Variants in RIMS3 observed in about 807,000 individuals in gnomAD.
RIMS3 encodes the protein regulating synaptic membrane exocytosis protein 3.
A neutral mutation model predicts 29.2 loss-of-function variants in RIMS3; 15 were observed. The observed-to-expected ratio is 0.51, with a 90% CI of 0.34 to 0.79. The LOEUF is 0.79. RIMS3 is among the 30% of genes least tolerant of loss of function. The pLI is 0.01. For synonymous variants in RIMS3, 161 were observed against 170.1 expected, an observed-to-expected ratio of 0.95 and a Z score of 0.41; for missense variants, 342 against 421.4, an observed-to-expected ratio of 0.81 and a Z score of 1.65.
intron 3 of RIMS3, among the ~76,000 whole-genome samples, chr1:40,638,743 A>C (rs1458595828): frequency 1.3e-5 from 2 of 152,188 alleles, no homozygotes; most frequent in East Asian, 3.9e-4. Flanking sequence ...TCCTGGACCC[A>C]AAGCTCTGAC....
Position 40,663,231 on chromosome 1 carries a change from C to T in RIMS3, c.-207+2163G>A, listed in dbSNP as rs148615811. On this transcript the variant is annotated intron_variant, in intron 1 of 7. Coordinates refer to ENST00000372684, the MANE Select transcript of RIMS3 (RefSeq NM_014747.3). ...CCCTGCACCCCAAGTCAGCAGATTG[C>T]TAACAGGAGAGACAGTGCCACAGTC... 5.9e-4 allele frequency among the ~76,000 whole-genome samples: 90 copies of T among 152,288 alleles called. 1 individual carries two copies. The highest frequency in any genetic ancestry group is 2.1e-3 in the African/African-American group (86 of 41,558).
At chr1:40,648,298 C>T (rs952678947) in intron 1 of RIMS3, among the ~76,000 whole-genome samples, 7 of 152,200 alleles carry the variant, frequency 4.6e-5, no homozygotes, top group Non-Finnish European at 1.0e-4. Context: ...CCCTCCATTC[C>T]CTCCTCTACA....
chr1:40,650,533 T>C (rs775254346), intron 1 of RIMS3, among the ~76,000 whole-genome samples: 8 of 152,130 alleles, frequency 5.3e-5, no homozygotes, highest in Non-Finnish European at 1.2e-4. Flanking sequence ...CCCTACTCTG[T>C]ATTCCAGCCA....
In RIMS3 at chr1:40,621,397, G is replaced by C. The variant is rs1337357069; in HGVS notation, c.*5120C>G. On this transcript the variant is annotated 3_prime_UTR_variant, in exon 8 of 8. Coordinates refer to ENST00000372684, the MANE Select transcript of RIMS3 (RefSeq NM_014747.3). ...AGAGGGAGGACAAACCACGAAGAGA[G>C]GAAAGCAGAGTCTGTTAGGATTCCC... 1 of 152,218 alleles carries C rather than the reference G, an allele frequency of 6.6e-6. No individual in the cohort carries two copies. The highest frequency in any genetic ancestry group is 1.9e-4 in the East Asian group (1 of 5,200). 9.4% of individuals were successfully genotyped at this position (152,218 alleles called of 1,614,324 possible).
intron 1 of RIMS3, among the ~76,000 whole-genome samples, chr1:40,649,691 G>A (rs1646618534): frequency 6.6e-6 from 1 of 152,220 alleles, no homozygotes; most frequent in African/African-American, 2.4e-5. Context: ...TCATCGGTGA[G>A]GTTTGTGGTG....
At chr1:40,666,165 T>C (rs1156468493), upstream of RIMS3, among the ~76,000 whole-genome samples, 1 of 152,176 alleles carries the variant, frequency 6.6e-6, no homozygotes, top group Non-Finnish European at 1.5e-5. Context: ...AGAAAGACTT[T>C]ATAATGTCCC....
chr1:40,685,914 CA>C, the RIMS3 span, among the ~76,000 whole-genome samples: 1 of 151,930 alleles, frequency 6.6e-6, no homozygotes, highest in Non-Finnish European at 1.5e-5. Context: ...GAGGCTGAGG[CA>C]GGGGGGCAGA....
chr1:40,637,383 C>T (rs1246556764), intron 3 of RIMS3, among the ~76,000 whole-genome samples: 1 of 152,272 alleles, frequency 6.6e-6, no homozygotes, highest in East Asian at 1.9e-4. Flanking sequence ...AGGCTGAGAA[C>T]AGGGTGCAGG....
upstream of RIMS3, among the ~76,000 whole-genome samples, chr1:40,667,808 C>A (rs188232381): frequency 0.019 from 2,903 of 152,246 alleles, 98 homozygotes; most frequent in African/African-American, 0.066. Context: ...GGATCCAGCC[C>A]CACAAGGGAA....
chr1:40,623,148 A>G lies in RIMS3; in HGVS notation c.*3369T>C. On this transcript the variant is annotated 3_prime_UTR_variant, in exon 8 of 8. Coordinates refer to ENST00000372684, the MANE Select transcript of RIMS3 (RefSeq NM_014747.3). The stretch of plus-strand genomic sequence containing the variant: ...TCTTGGAGCTCCTGGGTTCTGCCTC[A>G]GCCCCCATGAAATGCTGGCATTGCC... The G allele has an allele frequency of 2.9e-6, 1 of 345,990 alleles. No homozygotes were observed. Among genetic ancestry groups the G allele is most frequent in the Non-Finnish European group, 5.2e-6 (1 of 193,116 alleles). 21.4% of individuals were successfully genotyped at this position (345,990 alleles called of 1,614,324 possible).
chr1:40,639,410 G>A (rs1421237164), intron 3 of RIMS3, among the ~76,000 whole-genome samples: 1 of 152,226 alleles, frequency 6.6e-6, no homozygotes, highest in African/African-American at 2.4e-5. Flanking sequence ...AGATGGAGAG[G>A]AACGTGCTAC....
In RIMS3 at chr1:40,626,567, G is replaced by A; in HGVS notation, c.877C>T (p.Arg293Cys). ...ADSTLGSLTRRLSQSSLESAT... is the reference protein window; with the variant it reads ...ADSTLGSLTRCLSQSSLESAT... ...CTCTCCAGGGAAGACTGGGACAGGC[G>A]CCTGGTGAGGGATCCGAGTGTGGAG... is the stretch of plus-strand genomic sequence containing the variant. Residue 293 changes from arginine to cysteine, a missense_variant, in exon 8 of 8, where the codon CGC becomes TGC. Physicochemically the swap from Arg to Cys is radical, Grantham distance 180. Transcript: ENST00000372684. 6.2e-7 allele frequency: 1 copy of A among 1,613,646 alleles called. No individual in the cohort carries two copies. The highest frequency in any genetic ancestry group is 8.5e-7 in the Non-Finnish European group (1 of 1,179,834).
chr1:40,655,884 G>A (rs1271737505), intron 1 of RIMS3, among the ~76,000 whole-genome samples: 3 of 152,152 alleles, frequency 2.0e-5, no homozygotes, highest in Non-Finnish European at 4.4e-5. Context: ...ATGGTGGCAC[G>A]CACCTGTAAT....
chr1:40,676,575 C>G, the RIMS3 span, among the ~76,000 whole-genome samples: 2 of 152,130 alleles, frequency 1.3e-5, no homozygotes, highest in African/African-American at 4.8e-5. Context: ...CTACGTACCC[C>G]CTTAATACTT....
intron 1 of RIMS3, among the ~76,000 whole-genome samples, chr1:40,661,376 C>T (rs1642350200): frequency 6.6e-6 from 1 of 152,186 alleles, no homozygotes; most frequent in South Asian, 2.1e-4. Flanking sequence ...AGATCCATGT[C>T]TCTCCCTGCC....
Position 40,626,701 on chromosome 1 carries a change from A to C in RIMS3, c.743T>G (p.Met248Arg). 1 of 1,614,166 alleles carries C rather than the reference A, an allele frequency of 6.2e-7. No homozygotes were observed. Among genetic ancestry groups the C allele is most frequent in the Non-Finnish European group, 8.5e-7 (1 of 1,180,044 alleles). Residue 248 changes from methionine (M) to arginine (R), a missense_variant, in exon 8 of 8, where the codon ATG (methionine) becomes AGG (arginine). Physicochemically the swap from Met to Arg is moderately conservative, Grantham distance 91. Coordinates refer to ENST00000372684, the MANE Select transcript of RIMS3 (RefSeq NM_014747.3). Reference protein sequence around the residue: ...QVIVWGDYGRMDHKCFMGMAQ... With the variant: ...QVIVWGDYGRRDHKCFMGMAQ... Reference sequence around the variant, plus strand: ...CATGCCCATGAAGCACTTGTGGTCCATGCGGCCATAGTCTCCCCAGACGAT... The same window carrying C: ...CATGCCCATGAAGCACTTGTGGTCCCTGCGGCCATAGTCTCCCCAGACGAT...
In RIMS3 at chr1:40,626,402, C is replaced by T. The variant is rs1646454295; in HGVS notation, c.*115G>A. 2 of 978,490 alleles carry T rather than the reference C, an allele frequency of 2.0e-6. No homozygotes were observed. Among genetic ancestry groups the T allele is most frequent in the Non-Finnish European group, 3.1e-6 (2 of 635,980 alleles). 60.6% of individuals were successfully genotyped at this position (978,490 alleles called of 1,614,324 possible). ...CAGCTGGGATGAGCCCAGTAGCCAA[C>T]AGGCATGCAGCAGGACAAGGGGTCC... On this transcript the variant is annotated 3_prime_UTR_variant, in exon 8 of 8. Coordinates refer to ENST00000372684, the MANE Select transcript of RIMS3 (RefSeq NM_014747.3).
chr1:40,621,045 A>C lies in RIMS3; in HGVS notation c.*5472T>G, dbSNP rs1198945673. Reference sequence around the variant, plus strand: ...TTGAGCTATCAGGCCCACTCTTCCTAAGGAAGCAGCTGCCCCACCTTCTGA... The same window carrying C: ...TTGAGCTATCAGGCCCACTCTTCCTCAGGAAGCAGCTGCCCCACCTTCTGA... On this transcript the variant is annotated 3_prime_UTR_variant, in exon 8 of 8. Coordinates refer to ENST00000372684, the MANE Select transcript of RIMS3 (RefSeq NM_014747.3). 6.6e-6 allele frequency: 1 copy of C among 152,276 alleles called. No homozygotes were observed. The highest frequency in any genetic ancestry group is 2.4e-5 in the African/African-American group (1 of 41,442). The allele number at this position is 152,276 out of a possible 1,614,324, so 9.4% of individuals were successfully genotyped here.
At chr1:40,641,207 A>T (rs969604840) in intron 3 of RIMS3, among the ~76,000 whole-genome samples, 1 of 152,158 alleles carries the variant, frequency 6.6e-6, no homozygotes, top group Non-Finnish European at 1.5e-5. Context: ...TCCTGGGCTC[A>T]AGTGACCCTC....
Sources: allele counts gnomAD v4.1 joint callset (sites outside exome capture counted in the v4.1 genomes callset), GRCh38; gene constraint gnomAD v4.1.1; transcripts MANE v1.5; gene names NCBI Gene and HGNC (gene_info 2026-07-23, HGNC 2026-07-21).